DAB1: variants seen among roughly 807,000 people sequenced by gnomAD.
DAB1 encodes the protein disabled homolog 1.
Under a neutral mutation model 64.6 loss-of-function variants are expected in DAB1, and 15 were observed. The observed-to-expected ratio is 0.23, with a 90% CI of 0.16 to 0.36. The LOEUF (loss-of-function observed/expected upper bound fraction) is 0.36, where lower values mean the gene tolerates loss of function less well. Ranked by LOEUF, DAB1 falls within the 10% of genes least tolerant of loss-of-function variation. The pLI is 1.00. For synonymous variants in DAB1, 235 were observed against 251.9 expected (o/e 0.93, Z 0.64); for missense variants, 596 against 706.7 (o/e 0.84, Z 1.78).
chr1:58,258,310 A>G (rs1018933318), intron 4 of DAB1, among the ~76,000 whole-genome samples: 1 of 152,190 alleles, frequency 6.6e-6, no homozygotes, highest in African/African-American at 2.4e-5. Flanking sequence ...GTTCGGTCCA[A>G]TCTGTTTCAG....
chr1:57,719,638 C>T (rs184712338), intron 6 of DAB1, among the ~76,000 whole-genome samples: 1 of 152,340 alleles, frequency 6.6e-6, no homozygotes, highest in Non-Finnish European at 1.5e-5. Flanking sequence ...TGCTTACTCT[C>T]CTGCCATCTT....
In DAB1 at chr1:58,054,040, A is replaced by AGG. The variant is rs137874352; in HGVS notation, n.387+96469_387+96470dup. ...AAGGAAGAATAACACTAGAACTAAA[A>AGG]GGGCTTTCTTTTTGTTGAACACATA... On this transcript the variant is annotated intron_variant and non_coding_transcript_variant, in intron 5 of 20. Transcript: ENST00000485760. Among the ~76,000 whole-genome samples the AGG allele has an allele frequency of 5.3e-3, 801 of 152,328 alleles. 40 individuals carry two copies. The East Asian group carries it at 0.11, about 21-fold the overall frequency.
At chr1:57,668,175 G>A (rs1004425361) in intron 6 of DAB1, among the ~76,000 whole-genome samples, 3 of 151,976 alleles carry the variant, frequency 2.0e-5, no homozygotes, top group Non-Finnish European at 4.4e-5. Context: ...GGTTTTTACA[G>A]AACTACATTT....
chr1:57,962,960 A>G (rs112363551), intron 5 of DAB1, among the ~76,000 whole-genome samples: 1 of 151,742 alleles, frequency 6.6e-6, no homozygotes, highest in Non-Finnish European at 1.5e-5. Flanking sequence ...TTTATGCTAT[A>G]TTTTCTTACA....
chr1:57,963,318 G>A (rs1166252691), intron 5 of DAB1, among the ~76,000 whole-genome samples: 1 of 152,128 alleles, frequency 6.6e-6, no homozygotes, highest in African/African-American at 2.4e-5. Flanking sequence ...AGAGTGACCT[G>A]GTCACATATG....
intron 7 of DAB1, among the ~76,000 whole-genome samples, chr1:57,625,345 C>A (rs1011431393): frequency 1.3e-5 from 2 of 152,032 alleles, no homozygotes; most frequent in South Asian, 4.2e-4. Context: ...TTGCCTCATG[C>A]CCCATCTCCC....
chr1:57,937,663 A>C (rs969193561), intron 5 of DAB1, among the ~76,000 whole-genome samples: 1 of 152,210 alleles, frequency 6.6e-6, no homozygotes, highest in African/African-American at 2.4e-5. Flanking sequence ...TGGGCAAAAT[A>C]GCATCCCCAA....
intron 2 of DAB1, among the ~76,000 whole-genome samples, chr1:58,512,587 A>G (rs1187098671): frequency 6.6e-6 from 1 of 152,218 alleles, no homozygotes; most frequent in African/African-American, 2.4e-5. Context: ...AAATCCTGTC[A>G]TATGCAACAA....
intron 7 of DAB1, among the ~76,000 whole-genome samples, chr1:57,435,908 TTTTC>T (rs1309904058): frequency 6.6e-6 from 1 of 151,440 alleles, no homozygotes; most frequent in Non-Finnish European, 1.5e-5. Context: ...TAGACTTTTT[TTTTC>T]TTTCTTTTTT....
intron 4 of DAB1, among the ~76,000 whole-genome samples, chr1:58,196,071 C>T (rs1378797089): frequency 2.0e-5 from 3 of 152,168 alleles, no homozygotes; most frequent in East Asian, 3.9e-4. Flanking sequence ...TGAGTGGTTA[C>T]TTCTACCTAG....
intron 2 of DAB1, among the ~76,000 whole-genome samples, chr1:57,288,038 T>C (rs1385218377): frequency 6.6e-6 from 1 of 152,054 alleles, no homozygotes; most frequent in Admixed American, 6.6e-5. Context: ...TCAAGTGTTC[T>C]GCCTGCCTCA....
intron 9 of DAB1, among the ~76,000 whole-genome samples, chr1:57,030,379 TAAG>T (rs1646929735): frequency 1.3e-5 from 2 of 152,230 alleles, no homozygotes; most frequent in Admixed American, 1.3e-4. Context: ...TGGCAAAGTT[TAAG>T]AAGGTTTTCT....
intron 11 of DAB1, among the ~76,000 whole-genome samples, chr1:57,020,692 A>G (rs916092798): frequency 6.6e-6 from 1 of 152,214 alleles, no homozygotes; most frequent in Admixed American, 6.5e-5. Flanking sequence ...ATTCTACACT[A>G]AATATTGATG....
intron 6 of DAB1, among the ~76,000 whole-genome samples, chr1:57,730,306 C>A (rs1292059663): frequency 1.3e-5 from 2 of 152,216 alleles, no homozygotes; most frequent in East Asian, 3.8e-4. Context: ...ACTGTCATAT[C>A]TGTAAAACTG....
chr1:57,061,201 G>A (rs1282064302), intron 9 of DAB1, among the ~76,000 whole-genome samples: 1 of 131,724 alleles, frequency 7.6e-6, no homozygotes, highest in African/African-American at 2.9e-5. Flanking sequence ...AAACTAACAC[G>A]CATAGGTTTC....
At chr1:57,666,880 A>AGGGGAGAGGGAAGGGGAG (rs1386916646) in intron 6 of DAB1, among the ~76,000 whole-genome samples, 1 of 110,062 alleles carries the variant, frequency 9.1e-6, no homozygotes, top group Non-Finnish European at 1.9e-5. Flanking sequence ...GGGAGGGGGA[A>AGGGGAGAGGGAAGGGGAG]GGGGAGAGGG....
intron 7 of DAB1, among the ~76,000 whole-genome samples, chr1:57,612,195 T>TTGTGTGTGTGTGTG (rs58605325): frequency 1.1e-3 from 168 of 149,658 alleles, no homozygotes; most frequent in Middle Eastern, 6.9e-3. Flanking sequence ...TGGCATGATC[T>TTGTGTGTGTGTGTG]TGTGTGTGTG....
intron 3 of DAB1, among the ~76,000 whole-genome samples, chr1:58,450,357 T>C (rs1478957432): frequency 6.6e-6 from 1 of 152,194 alleles, no homozygotes; most frequent in East Asian, 1.9e-4. Context: ...AAAAATCTTC[T>C]AATCCTGGTC....
chr1:57,804,546 G>A (rs1651276316), intron 6 of DAB1, among the ~76,000 whole-genome samples: 1 of 152,216 alleles, frequency 6.6e-6, no homozygotes, highest in Admixed American at 6.5e-5. Flanking sequence ...AAACAGATGT[G>A]TAAGAGTTCA....
Sources: allele counts gnomAD v4.1 joint callset (sites outside exome capture counted in the v4.1 genomes callset), GRCh38; gene constraint gnomAD v4.1.1; transcripts MANE v1.5; gene names NCBI Gene and HGNC (gene_info 2026-07-23, HGNC 2026-07-21).